Variants in UCK2 observed in about 807,000 individuals in gnomAD.
The protein encoded by UCK2 is uridine-cytidine kinase 2.
A neutral mutation model predicts 30.8 loss-of-function variants in UCK2; 6 were observed. That is an observed-to-expected ratio of 0.19 (90% CI 0.11 to 0.38). UCK2 has a LOEUF of 0.38. Ranked by LOEUF, UCK2 falls within the 10% of genes least tolerant of loss-of-function variation. The probability of loss-of-function intolerance (pLI) is 1.00; values close to 1 mark genes in which losing one functional copy is unlikely to be tolerated. For synonymous variants in UCK2, 125 were observed against 133.6 expected, an observed-to-expected ratio of 0.94 and a Z score of 0.45; for missense variants, 210 against 339.8, an observed-to-expected ratio of 0.62 and a Z score of 3.00.
At chr1:165,861,399 C>T (rs1009315508) in intron 1 of UCK2, among the ~76,000 whole-genome samples, 15 of 151,912 alleles carry the variant, frequency 9.9e-5, no homozygotes, top group African/African-American at 3.1e-4. Flanking sequence ...GAGGCCGAGG[C>T]GGGCGGATCA....
intron 1 of UCK2, among the ~76,000 whole-genome samples, chr1:165,861,737 A>G (rs12060526): frequency 0.21 from 30,987 of 150,442 alleles, 3,659 homozygotes; most frequent in South Asian, 0.4. Context: ...CTACCTGGCC[A>G]TTTTACAGAT....
At chr1:165,883,285 A>G (rs982660551) in intron 1 of UCK2, among the ~76,000 whole-genome samples, 7 of 152,196 alleles carry the variant, frequency 4.6e-5, no homozygotes, top group Admixed American at 1.3e-4. Context: ...ACAGTTGCAT[A>G]GTCATGAGGA....
At chr1:165,881,254 T>C (rs1655494632) in intron 1 of UCK2, among the ~76,000 whole-genome samples, 1 of 151,704 alleles carries the variant, frequency 6.6e-6, no homozygotes, top group Admixed American at 6.6e-5. Flanking sequence ...CAGTTTGCCT[T>C]CCAGATTTTC....
Position 165,907,880 on chromosome 1 carries a change from G to C in UCK2, c.*57G>C. The C allele has an allele frequency of 1.3e-6, 2 of 1,598,822 alleles. No individual in the cohort carries two copies. Among genetic ancestry groups the C allele is most frequent in the Non-Finnish European group, 1.7e-6 (2 of 1,170,960 alleles). On this transcript the variant is annotated 3_prime_UTR_variant, in exon 7 of 7. Transcript: ENST00000367879. ...CAAGAGACAGAGGAGGGGTCAGGAG[G>C]CACTGCTCATCTGTACATACTGTTT...
At chr1:165,896,517 TTG>T (rs1647265201) in intron 4 of UCK2, among the ~76,000 whole-genome samples, 185 bp downstream of exon 4, 1 of 152,162 alleles carries the variant, frequency 6.6e-6, no homozygotes, top group Non-Finnish European at 1.5e-5. Flanking sequence ...GCCCAGACAC[TTG>T]GTAACATTTG....
chr1:165,860,471 C>T (rs974877570), intron 1 of UCK2, among the ~76,000 whole-genome samples: 9 of 151,994 alleles, frequency 5.9e-5, no homozygotes, highest in African/African-American at 1.4e-4. Context: ...CTTTTTGAGA[C>T]GGGCCTCACT....
At chr1:165,843,776 A>C (rs1654383621) in intron 1 of UCK2, among the ~76,000 whole-genome samples, 1 of 152,168 alleles carries the variant, frequency 6.6e-6, no homozygotes, top group Non-Finnish European at 1.5e-5. Context: ...ATACTTTGCC[A>C]CTTTTTATTC....
chr1:165,855,567 A>C (rs1437825275), intron 1 of UCK2, among the ~76,000 whole-genome samples: 1 of 149,476 alleles, frequency 6.7e-6, no homozygotes, highest in Non-Finnish European at 1.5e-5. Flanking sequence ...TGAGACCCAC[A>C]TAACATCTCA....
rs200750043 is a variant in UCK2 at position 165,905,984 on chromosome 1, A to G, written c.646+15A>G. ...AGATAATCTGGGTGAGTCCCTGCAG[A>G]GTGTCATCCTGGAGTATAATGTCTG... On this transcript the variant is annotated intron_variant, in intron 6 of 6. Coordinates refer to ENST00000367879, the MANE Select transcript of UCK2 (RefSeq NM_012474.5). The G allele has an allele frequency of 2.1e-5, 34 of 1,611,754 alleles. No individual in the cohort carries two copies. In the African/African-American group the frequency reaches 3.9e-4, roughly 18 times the overall value.
At chr1:165,838,627 T>C (rs1233013667) in intron 1 of UCK2, among the ~76,000 whole-genome samples, 1 of 152,174 alleles carries the variant, frequency 6.6e-6, no homozygotes, top group Non-Finnish European at 1.5e-5. Flanking sequence ...GTCCCTTTGC[T>C]GTTCACATTT....
intron 1 of UCK2, among the ~76,000 whole-genome samples, chr1:165,860,901 G>C (rs979180977): frequency 6.6e-6 from 1 of 152,178 alleles, no homozygotes; most frequent in African/African-American, 2.4e-5. Flanking sequence ...TTTACTGGGA[G>C]TAAGTATAAT....
intron 1 of UCK2, among the ~76,000 whole-genome samples, chr1:165,854,601 AT>A (rs1654681537): frequency 2.8e-5 from 1 of 35,226 alleles, no homozygotes; most frequent in Non-Finnish European, 6.2e-5. Flanking sequence ...TTTTTTAAAA[AT>A]AAATAAATAA....
At chr1:165,850,927 ATTT>A (rs61491030) in intron 1 of UCK2, among the ~76,000 whole-genome samples, 5,333 of 109,616 alleles carry the variant, frequency 0.049, 440 homozygotes, top group African/African-American at 0.17. Flanking sequence ...TGGCCTTTAA[ATTT>A]TTTTTTTTTT....
At chr1:165,846,696 C>T (rs1654457177) in intron 1 of UCK2, among the ~76,000 whole-genome samples, 1 of 152,182 alleles carries the variant, frequency 6.6e-6, no homozygotes, top group Non-Finnish European at 1.5e-5. Context: ...TAAGCACGAA[C>T]ACTTTTTGAT....
chr1:165,846,335 G>A (rs1323884329), intron 1 of UCK2, among the ~76,000 whole-genome samples: 1 of 152,136 alleles, frequency 6.6e-6, no homozygotes, highest in Non-Finnish European at 1.5e-5. Context: ...TTTATTTAAT[G>A]TCCCTGGATT....
At chr1:165,862,147 A>C (rs1450550080) in intron 1 of UCK2, among the ~76,000 whole-genome samples, 1 of 152,116 alleles carries the variant, frequency 6.6e-6, no homozygotes, top group Admixed American at 6.5e-5. Flanking sequence ...GGCTCTCATC[A>C]ATCTCTTTGT....
intron 1 of UCK2, among the ~76,000 whole-genome samples, chr1:165,873,011 C>G (rs776879748): frequency 6.6e-6 from 1 of 151,920 alleles, no homozygotes; most frequent in Admixed American, 6.6e-5. Flanking sequence ...AAAGGGCAGT[C>G]GAGATCAAGT....
At chr1:165,843,837 G>A (rs887197261) in intron 1 of UCK2, among the ~76,000 whole-genome samples, 1 of 152,110 alleles carries the variant, frequency 6.6e-6, no homozygotes, top group African/African-American at 2.4e-5. Context: ...AATACTAATG[G>A]AGTGCCTACT....
At position 165,827,716 on chromosome 1, in the gene UCK2, G is replaced by C; in HGVS notation, c.-118G>C. ...AGCGGCTCGCAGGCGAGCGACAGCGGCCTCAGCCCCGGCAGCGCCCAGCGG... is the reference window on the plus strand; with the variant it reads ...AGCGGCTCGCAGGCGAGCGACAGCGCCCTCAGCCCCGGCAGCGCCCAGCGG... On this transcript the variant is annotated 5_prime_UTR_variant, in exon 1 of 7. Coordinates refer to ENST00000367879, the MANE Select transcript of UCK2 (RefSeq NM_012474.5). The C allele has an allele frequency of 3.2e-6, 3 of 937,852 alleles. No homozygotes were observed. The highest frequency in any genetic ancestry group is 4.2e-6 in the Non-Finnish European group (3 of 708,604). 58.1% of individuals were successfully genotyped at this position (937,852 alleles called of 1,614,324 possible). A position where few individuals can be genotyped will look rare whatever the true frequency, so the allele number is the denominator to read the frequency against.
Sources: gnomAD v4.1 joint callset for allele counts (sites outside exome capture counted in the v4.1 genomes callset) on GRCh38, gnomAD v4.1.1 for gene constraint, MANE v1.5 for transcripts, NCBI Gene and HGNC (gene_info 2026-07-23, HGNC 2026-07-21) for gene names.